The following GLDN variants were observed in gnomAD, a reference collection of about 807,000 sequenced individuals.
GLDN encodes the protein collomin.
Under a neutral mutation model 56.5 loss-of-function variants are expected in GLDN, and 47 were observed. The observed-to-expected ratio is 0.83, with a 90% CI of 0.66 to 1.06. The LOEUF (loss-of-function observed/expected upper bound fraction) is 1.06, where lower values mean the gene tolerates loss of function less well. GLDN is among the 50% of genes least tolerant of loss of function. The pLI, the probability that GLDN is intolerant of heterozygous loss-of-function variation, is 0.00. For synonymous variants in GLDN, 332 were observed against 278.8 expected (o/e 1.19, Z -1.90); for missense variants, 782 against 714.3 (o/e 1.09, Z -1.08).
intron 5 of GLDN, among the ~76,000 whole-genome samples, chr15:51,395,374 G>C (rs2038104776): frequency 6.6e-6 from 1 of 152,196 alleles, no homozygotes; most frequent in Non-Finnish European, 1.5e-5. Flanking sequence ...GCCATCCTCA[G>C]ACCCTGATCC....
intron 1 of GLDN, among the ~76,000 whole-genome samples, chr15:51,348,418 G>A (rs764895764): frequency 6.6e-6 from 1 of 151,960 alleles, no homozygotes; most frequent in Non-Finnish European, 1.5e-5. Flanking sequence ...CTGCCGCCTT[G>A]ACTAATTGGG....
chr15:51,347,750 C>T lies in GLDN; in HGVS notation c.363+5703C>T, dbSNP rs1434765317. ...CCTATGAATGACATATGTACATATT[C>T]ATTGCAGAATATTTGTAAAAGCAAA... On this transcript the variant is annotated intron_variant, in intron 1 of 9. Transcript: ENST00000335449. Among the ~76,000 whole-genome samples, 3 of 152,190 alleles carry T rather than the reference C, an allele frequency of 2.0e-5. No homozygotes were observed. In the East Asian group the frequency reaches 5.8e-4, roughly 29 times the overall value.
intron 9 of GLDN, 73 bp from the exon 10 acceptor site, chr15:51,404,204 A>G (rs2038317941): frequency 8.4e-7 from 1 of 1,186,982 alleles, no homozygotes; most frequent in South Asian, 1.5e-5. Context: ...TCAGTTTAAT[A>G]GAGGAGCCTA....
At chr15:51,342,559 G>A (rs2036906136) in intron 1 of GLDN, among the ~76,000 whole-genome samples, 1 of 152,126 alleles carries the variant, frequency 6.6e-6, no homozygotes, top group Non-Finnish European at 1.5e-5. Context: ...CGAGATGGCC[G>A]GCCTAATTGT....
intron 6 of GLDN, 38 bp downstream of exon 6, chr15:51,397,636 C>T (rs373065689): frequency 2.0e-6 from 3 of 1,514,956 alleles, no homozygotes; most frequent in Non-Finnish European, 2.7e-6. Flanking sequence ...CCTCTTCTGT[C>T]AATTATTCCA....
chr15:51,352,209 G>A (rs1438154139), intron 1 of GLDN, among the ~76,000 whole-genome samples: 3 of 151,948 alleles, frequency 2.0e-5, no homozygotes, highest in African/African-American at 7.3e-5. Context: ...CTTCCACCAT[G>A]GTGGAAGGGC....
intron 1 of GLDN, among the ~76,000 whole-genome samples, chr15:51,371,532 A>G (rs56297706): frequency 6.6e-6 from 1 of 152,322 alleles, no homozygotes; most frequent in Non-Finnish European, 1.5e-5. Context: ...TGCTAATCCA[A>G]TGAGAATAGT....
chr15:51,398,653 G>A (rs2038185863), intron 6 of GLDN, among the ~76,000 whole-genome samples: 2 of 152,194 alleles, frequency 1.3e-5, no homozygotes, highest in South Asian at 4.1e-4. Context: ...CTGTGCTTTC[G>A]AAGATGGCAC....
At chr15:51,363,700 G>A (rs1256671141) in intron 1 of GLDN, among the ~76,000 whole-genome samples, 1 of 152,232 alleles carries the variant, frequency 6.6e-6, no homozygotes, top group Non-Finnish European at 1.5e-5. Context: ...CGATCAGGAA[G>A]CGTTTCGAGA....
intron 1 of GLDN, among the ~76,000 whole-genome samples, chr15:51,349,652 A>G (rs892358694): frequency 2.0e-5 from 3 of 152,200 alleles, no homozygotes; most frequent in Non-Finnish European, 4.4e-5. Context: ...TGACCCACAA[A>G]GCCTAAAATA....
chr15:51,380,773 G>A (rs28710295), intron 2 of GLDN, among the ~76,000 whole-genome samples: 3,010 of 152,134 alleles, frequency 0.02, 102 homozygotes, highest in African/African-American at 0.069. Flanking sequence ...TGGCCCTCCC[G>A]CTCTTCCATC....
downstream of GLDN, among the ~76,000 whole-genome samples, chr15:51,412,172 TAAG>T (rs2038472125): frequency 6.6e-6 from 1 of 152,174 alleles, no homozygotes; most frequent in African/African-American, 2.4e-5. Flanking sequence ...ATTGAAAAAT[TAAG>T]AAGCTCACCC....
At chr15:51,371,937 G>A (rs562867272) in intron 1 of GLDN, among the ~76,000 whole-genome samples, 28 of 152,258 alleles carry the variant, frequency 1.8e-4, no homozygotes, top group South Asian at 1.5e-3. Flanking sequence ...CACCCACCCT[G>A]GCCTCCCAAA....
In GLDN at chr15:51,383,633, T is replaced by C; in HGVS notation, c.434-152T>C. The C allele has an allele frequency of 3.1e-6, 3 of 956,412 alleles. No individual in the cohort carries two copies. In the South Asian group the frequency reaches 4.7e-5, roughly 15 times the overall value. 59.2% of individuals were successfully genotyped at this position (956,412 alleles called of 1,614,324 possible). A position where few individuals can be genotyped will look rare whatever the true frequency, so the allele number is the denominator to read the frequency against. ...CACCATCCCCCCACTTGGCACTGCT[T>C]CAGCCAGAGAAGGAAGGAAAGAAGT... On this transcript the variant is annotated intron_variant, in intron 3 of 9. Coordinates refer to ENST00000335449, the MANE Select transcript of GLDN (RefSeq NM_181789.4).
At chr15:51,398,821 C>T (rs973739185) in intron 6 of GLDN, among the ~76,000 whole-genome samples, 2 of 152,196 alleles carry the variant, frequency 1.3e-5, no homozygotes, top group Admixed American at 6.5e-5. Flanking sequence ...GCGAGACCTC[C>T]CCTGAGAGAA....
intron 2 of GLDN, among the ~76,000 whole-genome samples, chr15:51,380,014 C>A (rs924312052): frequency 6.6e-6 from 1 of 152,142 alleles, no homozygotes; most frequent in Non-Finnish European, 1.5e-5. Flanking sequence ...CACCACTCAG[C>A]CCCACCTTTC....
At chr15:51,348,492 G>A (rs1171659750) in intron 1 of GLDN, among the ~76,000 whole-genome samples, 1 of 151,748 alleles carries the variant, frequency 6.6e-6, no homozygotes, top group African/African-American at 2.4e-5. Flanking sequence ...ACCACACCTG[G>A]CTAATTAAAA....
At chr15:51,394,516 G>A (rs1433109051) in intron 4 of GLDN, among the ~76,000 whole-genome samples, 1 of 152,178 alleles carries the variant, frequency 6.6e-6, no homozygotes, top group African/African-American at 2.4e-5. Context: ...CGGAGGCTGA[G>A]GCAGGAGAAT....
In GLDN at chr15:51,341,669, C is replaced by G. The variant is rs1285844258; in HGVS notation, c.-16C>G. ...CGCAGGCTGCCAAGCCCTGCCCTGC[C>G]CAAGGCGCATAGAGCATGGCCCGAG... On this transcript the variant is annotated 5_prime_UTR_variant, in exon 1 of 10. Transcript: ENST00000335449. 1.2e-5 allele frequency: 17 copies of G among 1,388,800 alleles called. No homozygotes were observed. The highest frequency in any genetic ancestry group is 1.5e-5 in the Non-Finnish European group (16 of 1,083,272). 86.0% of individuals were successfully genotyped at this position (1,388,800 alleles called of 1,614,324 possible). A position where few individuals can be genotyped will look rare whatever the true frequency, so the allele number is the denominator to read the frequency against.
Sources: gnomAD v4.1 joint callset for allele counts (sites outside exome capture counted in the v4.1 genomes callset) on GRCh38, gnomAD v4.1.1 for gene constraint, MANE v1.5 for transcripts, NCBI Gene and HGNC (gene_info 2026-07-23, HGNC 2026-07-21) for gene names.